MKX: variants seen among roughly 807,000 people sequenced by gnomAD.
MKX encodes the protein mohawk homeobox.
Under a neutral mutation model 36.0 loss-of-function variants are expected in MKX, and 13 were observed. The observed-to-expected ratio is 0.36, with a 90% confidence interval of 0.24 to 0.57. The LOEUF is 0.57. Among genes scored for constraint, MKX ranks in the 20% least tolerant of loss-of-function variants. The pLI is 0.79. For synonymous variants in MKX, 176 were observed against 178.3 expected, an observed-to-expected ratio of 0.99 and a Z score of 0.10; for missense variants, 458 against 456.4, an observed-to-expected ratio of 1.00 and a Z score of -0.03.
intron 5 of MKX, among the ~76,000 whole-genome samples, chr10:27,724,791 A>ACACACACACACC (rs775804611): frequency 1.8e-4 from 27 of 147,882 alleles, no homozygotes; most frequent in African/African-American, 6.5e-4. Flanking sequence ...ACACACACAC[A>ACACACACACACC]CCCCGCAGAA....
At chr10:27,682,701 C>T (rs895261166) in intron 5 of MKX, among the ~76,000 whole-genome samples, 2 of 151,484 alleles carry the variant, frequency 1.3e-5, no homozygotes, top group African/African-American at 2.4e-5. Context: ...GCACAACTGA[C>T]CAGGCGCAGT....
intron 5 of MKX, among the ~76,000 whole-genome samples, chr10:27,724,627 C>T (rs1834447795): frequency 6.6e-6 from 1 of 152,042 alleles, no homozygotes; most frequent in Non-Finnish European, 1.5e-5. Context: ...TTGTTTCTGG[C>T]CACTTCCTGG....
intron 5 of MKX, among the ~76,000 whole-genome samples, chr10:27,680,485 T>G (rs1358023269): frequency 3.3e-5 from 5 of 151,940 alleles, no homozygotes. Flanking sequence ...CTTCTACAGT[T>G]AAGTAGAGAA....
intron 5 of MKX, among the ~76,000 whole-genome samples, chr10:27,686,161 C>A (rs1836344016): frequency 6.6e-6 from 1 of 151,972 alleles, no homozygotes; most frequent in Non-Finnish European, 1.5e-5. Flanking sequence ...GATAGGAGAG[C>A]TTTGGAAGCT....
chr10:27,699,851 C>T (rs1836621130), intron 5 of MKX, among the ~76,000 whole-genome samples: 1 of 152,170 alleles, frequency 6.6e-6, no homozygotes, highest in African/African-American at 2.4e-5. Flanking sequence ...CCATTGAAAG[C>T]AGATTGTAGT....
At chr10:27,743,752 A>G (rs1048369245) in intron 1 of MKX, among the ~76,000 whole-genome samples, 4 of 152,060 alleles carry the variant, frequency 2.6e-5, no homozygotes, top group Non-Finnish European at 5.9e-5. Context: ...CCCCAGAACT[A>G]CAACCGGGAA....
intron 5 of MKX, among the ~76,000 whole-genome samples, chr10:27,728,267 C>T (rs574163743): frequency 1.4e-4 from 21 of 152,184 alleles, no homozygotes; most frequent in South Asian, 2.1e-4. Flanking sequence ...AAAGAGAAAC[C>T]GTGCGTGTGC....
chr10:27,740,430 A>G (rs1023192867), intron 3 of MKX, among the ~76,000 whole-genome samples: 1 of 152,206 alleles, frequency 6.6e-6, no homozygotes, highest in Non-Finnish European at 1.5e-5. Flanking sequence ...AAAAATTGTG[A>G]CATGACGGGA....
At chr10:27,724,791 A>ACACACACACACCC (rs775804611) in intron 5 of MKX, among the ~76,000 whole-genome samples, 1 of 147,774 alleles carries the variant, frequency 6.8e-6, no homozygotes, top group African/African-American at 2.5e-5. Context: ...ACACACACAC[A>ACACACACACACCC]CCCCGCAGAA....
At chr10:27,676,380 C>CTT (rs1176984277) in intron 5 of MKX, among the ~76,000 whole-genome samples, 8 of 127,784 alleles carry the variant, frequency 6.3e-5, no homozygotes, top group East Asian at 2.2e-4. Flanking sequence ...TTTTCTTTTT[C>CTT]TTTTTTTTTT....
At position 27,675,344 on chromosome 10, in the gene MKX, G is replaced by T. The variant is rs142115674; in HGVS notation, c.944C>A (p.Thr315Lys). Residue 315 changes from threonine (T) to lysine (K), a missense_variant, in exon 7 of 7, where the codon ACA becomes AAA. Physicochemically the swap from Thr to Lys is moderately conservative, Grantham distance 78. Transcript: ENST00000419761. ...TTTGTCCTTTCCCTGTGCAAGATTT[G>T]TTAAGGCCATAGCTGCGTTGATCTC... Reference protein sequence around the residue: ...WKEINAAMALTNLAQGKDKLQ... With the variant: ...WKEINAAMALKNLAQGKDKLQ... 1.6e-4 allele frequency: 258 copies of T among 1,614,194 alleles called. 3 individuals carry two copies. In the East Asian group the frequency reaches 5.6e-3, roughly 35 times the overall value.
chr10:27,688,936 A>G (rs78169129), intron 5 of MKX, among the ~76,000 whole-genome samples: 4 of 152,306 alleles, frequency 2.6e-5, no homozygotes, highest in East Asian at 3.9e-4. Context: ...GCAAAAAAAG[A>G]CTTTTTAAAT....
chr10:27,714,157 C>T (rs1193532738), intron 5 of MKX, among the ~76,000 whole-genome samples: 2 of 152,136 alleles, frequency 1.3e-5, no homozygotes, highest in Non-Finnish European at 2.9e-5. Context: ...CTCGCTGGTA[C>T]TACAACATCC....
intron 5 of MKX, among the ~76,000 whole-genome samples, chr10:27,697,516 A>G (rs966179779): frequency 6.6e-6 from 1 of 152,200 alleles, no homozygotes; most frequent in Non-Finnish European, 1.5e-5. Flanking sequence ...TAATGTGGAA[A>G]TTGAGCCTCA....
chr10:27,720,415 TA>T (rs1312855218), intron 5 of MKX, among the ~76,000 whole-genome samples: 1 of 151,916 alleles, frequency 6.6e-6, no homozygotes, highest in Non-Finnish European at 1.5e-5. Context: ...AGAAATATAT[TA>T]AAAGAATATT....
chr10:27,710,372 A>C (rs1836829993), intron 5 of MKX, among the ~76,000 whole-genome samples: 1 of 152,184 alleles, frequency 6.6e-6, no homozygotes, highest in African/African-American at 2.4e-5. Context: ...TGGATTCACT[A>C]CTGACTGGTC....
At chr10:27,682,221 G>A (rs1564343327) in intron 5 of MKX, among the ~76,000 whole-genome samples, 1 of 152,126 alleles carries the variant, frequency 6.6e-6, no homozygotes, top group Non-Finnish European at 1.5e-5. Context: ...AGGATATAAA[G>A]AAAATATTTT....
At chr10:27,703,563 A>G (rs988219403) in intron 5 of MKX, among the ~76,000 whole-genome samples, 1 of 152,156 alleles carries the variant, frequency 6.6e-6, no homozygotes, top group Non-Finnish European at 1.5e-5. Flanking sequence ...CTCTTTGCAA[A>G]TATGATTGTA....
Position 27,704,556 on chromosome 10 carries a change from C to A in MKX, c.839-29002G>T, listed in dbSNP as rs938223103. ...AATAGAAGAGAATAGAAAGACAAGA[C>A]CAACTCAATTTAAAATATGGTATTT... is the stretch of plus-strand genomic sequence containing the variant. On this transcript the variant is annotated intron_variant, in intron 5 of 6. Transcript: ENST00000419761. Among the ~76,000 whole-genome samples, 16 of 151,910 alleles carry A rather than the reference C, an allele frequency of 1.1e-4. 1 individual carries two copies. Among genetic ancestry groups the A allele is most frequent in the Non-Finnish European group, 2.4e-4 (16 of 67,966 alleles).
Sources: allele counts gnomAD v4.1 joint callset (sites outside exome capture counted in the v4.1 genomes callset), GRCh38; gene constraint gnomAD v4.1.1; transcripts MANE v1.5; gene names NCBI Gene and HGNC (gene_info 2026-07-23, HGNC 2026-07-21).